LRRFIP1: variants seen among roughly 807,000 people sequenced by gnomAD.
LRRFIP1 encodes the protein LRR binding FLII interacting protein 1.
A neutral mutation model predicts 104.4 loss-of-function variants in LRRFIP1; 62 were observed. The observed-to-expected ratio is 0.59, with a 90% CI of 0.48 to 0.73. LRRFIP1 has a LOEUF of 0.73. Among genes scored for constraint, LRRFIP1 ranks in the 30% least tolerant of loss-of-function variants. LRRFIP1 has a pLI of 0.00. For synonymous variants in LRRFIP1, 300 were observed against 299.0 expected (o/e 1.00, Z -0.03); for missense variants, 796 against 824.5 (o/e 0.97, Z 0.42).
intron 1 of LRRFIP1, among the ~76,000 whole-genome samples, chr2:237,695,746 A>ATTTGTTT: frequency 6.6e-6 from 1 of 151,934 alleles, no homozygotes; most frequent in East Asian, 1.9e-4. Context: ...GGCCGCCCAA[A>ATTTGTTT]TTTGTTTTTT....
At chr2:237,645,519 G>A (rs542111474) in intron 1 of LRRFIP1, among the ~76,000 whole-genome samples, 14 of 152,086 alleles carry the variant, frequency 9.2e-5, no homozygotes, top group Non-Finnish European at 1.6e-4. Context: ...CAAAGGAGGT[G>A]CCAGGGGCAG....
rs183615425 is a variant in LRRFIP1, at chr2:237,753,340, A to G, written c.899A>G (p.Lys300Arg). Reference protein sequence around the residue: ...DSLAEVEEKYKKAMVSNAQLD... With the variant: ...DSLAEVEEKYRKAMVSNAQLD... ...CTAGCAGAAGTTGAAGAGAAATATA[A>G]GAAGGCTATGGTTTCCAATGCTCAG... The change falls in exon 15 of 24, where the codon AAG (lysine) becomes AGG (arginine). Residue 300 changes from lysine (K) to arginine (R), a missense_variant. Transcript: ENST00000308482. 1.4e-5 allele frequency: 22 copies of G among 1,592,556 alleles called. No homozygotes were observed. The East Asian group carries it at 4.8e-4, about 34-fold the overall frequency.
At chr2:237,699,238 C>G (rs2093367454) in intron 1 of LRRFIP1, among the ~76,000 whole-genome samples, 1 of 152,074 alleles carries the variant, frequency 6.6e-6, no homozygotes, top group African/African-American at 2.4e-5. Context: ...CGATTGCATT[C>G]CTGGAATAGT....
chr2:237,651,285 C>T (rs1283788931), intron 1 of LRRFIP1, among the ~76,000 whole-genome samples: 1 of 152,180 alleles, frequency 6.6e-6, no homozygotes, highest in Non-Finnish European at 1.5e-5. Flanking sequence ...AGGGTCACCT[C>T]GCTTTTCAGT....
At chr2:237,763,238 A>G (rs2060044717) in intron 19 of LRRFIP1, 1 of 1,614,202 alleles carries the variant, frequency 6.2e-7, no homozygotes, top group Non-Finnish European at 8.5e-7. Context: ...AACAGGATTA[A>G]GGGACGAGAA....
In LRRFIP1 at chr2:237,668,813, G is replaced by A. The variant is rs76467242; in HGVS notation, c.97-39731G>A. Reference sequence around the variant, plus strand: ...AAAGAAAATATTTATTATATTAAACGTAATACATGTTTATTATAGAAAAAT... The same window carrying A: ...AAAGAAAATATTTATTATATTAAACATAATACATGTTTATTATAGAAAAAT... On this transcript the variant is annotated intron_variant, in intron 1 of 23. Transcript: ENST00000308482. Among the ~76,000 whole-genome samples the A allele has an allele frequency of 2.4e-3, 370 of 152,206 alleles. 9 individuals are homozygous for A. The East Asian group carries it at 0.062, about 26-fold the overall frequency.
chr2:237,757,696 T>A lies in LRRFIP1; in HGVS notation c.1224+148T>A, dbSNP rs2059412776. The A allele has an allele frequency of 6.0e-6, 4 of 669,782 alleles. No homozygotes were observed. The East Asian group carries it at 1.1e-4, about 18-fold the overall frequency. 41.5% of individuals were successfully genotyped at this position (669,782 alleles called of 1,614,324 possible). ...CAAAGTCGTATTAATTTATTTAATT[T>A]TATTAAGTAGTGAATACACTAACTT... On this transcript the variant is annotated intron_variant, in intron 17 of 23. Coordinates refer to ENST00000308482, the MANE Select transcript of LRRFIP1 (RefSeq NM_001137550.2).
intron 1 of LRRFIP1, among the ~76,000 whole-genome samples, chr2:237,648,000 G>A (rs746690253): frequency 2.0e-5 from 3 of 152,074 alleles, no homozygotes; most frequent in Non-Finnish European, 2.9e-5. Context: ...TTGTTTCTTC[G>A]ATATTCTAAA....
chr2:237,699,794 T>A (rs1440217921), intron 1 of LRRFIP1, among the ~76,000 whole-genome samples: 1 of 139,660 alleles, frequency 7.2e-6, no homozygotes, highest in East Asian at 2.5e-4. Context: ...CTTTTTGACA[T>A]CCCAGTCCCC....
chr2:237,746,905 C>T (rs2057947160), intron 11 of LRRFIP1, among the ~76,000 whole-genome samples: 1 of 152,224 alleles, frequency 6.6e-6, no homozygotes, highest in Non-Finnish European at 1.5e-5. Flanking sequence ...GCTTATTTAG[C>T]AAAGAGGGGA....
At chr2:237,702,902 C>G (rs1559596712) in intron 1 of LRRFIP1, among the ~76,000 whole-genome samples, 1 of 152,126 alleles carries the variant, frequency 6.6e-6, no homozygotes, top group African/African-American at 2.4e-5. Context: ...TACACCCCAC[C>G]CAGGTTATTT....
intron 1 of LRRFIP1, among the ~76,000 whole-genome samples, chr2:237,693,723 T>A (rs572668463): frequency 2.0e-5 from 3 of 152,032 alleles, no homozygotes; most frequent in Non-Finnish European, 4.4e-5. Flanking sequence ...AGGAGGAGGA[T>A]GGAGGTGAAG....
chr2:237,636,842 C>T (rs887127705), intron 1 of LRRFIP1, among the ~76,000 whole-genome samples: 1 of 152,216 alleles, frequency 6.6e-6, no homozygotes, highest in Non-Finnish European at 1.5e-5. Context: ...GATTTGAACC[C>T]AGTCTCTTGC....
Position 237,691,928 on chromosome 2 carries a change from T to A in LRRFIP1, c.97-16616T>A, listed in dbSNP as rs1298729183. On this transcript the variant is annotated intron_variant, in intron 1 of 23. Transcript: ENST00000308482. This position sits in a 1 kb window ranked among gnomAD's most constrained non-coding sequence, Gnocchi z 5.4. ...CGCGGGGGGCGGGGCGGGGCTCGCG[T>A]TAAGGGAGCGCGGAAGGGCGGGACA... Among the ~76,000 whole-genome samples the A allele has an allele frequency of 8.4e-6, 1 of 119,264 alleles. No homozygotes were observed. The highest frequency in any genetic ancestry group is 1.8e-5 in the Non-Finnish European group (1 of 56,518). 78.2% of individuals were successfully genotyped at this position (119,264 alleles called of 152,430 possible).
chr2:237,738,577 T>C (rs1240666853), intron 10 of LRRFIP1, among the ~76,000 whole-genome samples: 1 of 152,188 alleles, frequency 6.6e-6, no homozygotes, highest in Non-Finnish European at 1.5e-5. Context: ...AACGTGAAAA[T>C]GTATCTAAGA....
At chr2:237,714,194 A>C in intron 2 of LRRFIP1, 65 bp from the exon 3 acceptor site, 1 of 1,163,148 alleles carries the variant, frequency 8.6e-7, no homozygotes, top group Non-Finnish European at 1.3e-6. Flanking sequence ...AGAACCTTTC[A>C]TTCTGATGTT....
chr2:237,713,591 G>GTGCGATA (rs1481435443), intron 2 of LRRFIP1, among the ~76,000 whole-genome samples: 1 of 152,192 alleles, frequency 6.6e-6, no homozygotes, highest in Admixed American at 6.5e-5. Flanking sequence ...AGTTTTGGCA[G>GTGCGATA]TGCCTTCAAT....
chr2:237,744,868 C>T (rs981805727), intron 11 of LRRFIP1, among the ~76,000 whole-genome samples: 2 of 152,254 alleles, frequency 1.3e-5, no homozygotes, highest in African/African-American at 4.8e-5. Context: ...CGGTGCTTTC[C>T]CGTCCTGGGC....
intron 1 of LRRFIP1, among the ~76,000 whole-genome samples, chr2:237,687,829 C>T (rs2149709877): frequency 6.6e-6 from 1 of 152,290 alleles, no homozygotes; most frequent in Non-Finnish European, 1.5e-5. Context: ...TCCCCGTCTG[C>T]CCTCAGCCTT....
Sources: allele counts gnomAD v4.1 joint callset (sites outside exome capture counted in the v4.1 genomes callset), GRCh38; gene constraint gnomAD v4.1.1; non-coding constraint Gnocchi (gnomAD v3.1); transcripts MANE v1.5; gene names NCBI Gene and HGNC (gene_info 2026-07-23, HGNC 2026-07-21).